Variants in LRGUK observed in about 807,000 individuals in gnomAD.
The protein encoded by LRGUK is leucine rich repeats and guanylate kinase domain containing.
In LRGUK, 65 loss-of-function variants were observed where a neutral mutation model predicts 76.0. The ratio of observed to expected loss-of-function variants is 0.85; its 90% CI spans 0.70 to 1.05. LRGUK has a LOEUF of 1.05. Among genes scored for constraint, LRGUK ranks in the 50% least tolerant of loss-of-function variants. The pLI is 0.00. For missense variants in LRGUK, 758 were observed against 732.8 expected, an observed-to-expected ratio of 1.03 and a Z score of -0.40; for synonymous variants, 268 against 265.6, an observed-to-expected ratio of 1.01 and a Z score of -0.09.
intron 9 of LRGUK, among the ~76,000 whole-genome samples, chr7:134,177,684 A>T (rs750278527): frequency 1.6e-4 from 25 of 152,176 alleles, no homozygotes; most frequent in Non-Finnish European, 2.6e-4. Context: ...CTTACACTGG[A>T]TGCAAATTTG....
chr7:134,129,365 G>T (rs116413966), intron 1 of LRGUK, among the ~76,000 whole-genome samples: 12 of 30,868 alleles, frequency 3.9e-4, no homozygotes, highest in African/African-American at 1.7e-3. Context: ...TCTCCTTCCT[G>T]CCTTCCTTCC....
chr7:134,208,873 C>T (rs920664949), exon 16 of LRGUK: 1 of 398,878 alleles, frequency 2.5e-6, no homozygotes, highest in African/African-American at 2.1e-5. Context: ...CTGCCCAGAA[C>T]CAAGAGCTGG....
At chr7:134,200,907 C>A (rs752893024) in intron 14 of LRGUK, among the ~76,000 whole-genome samples, 21 of 152,092 alleles carry the variant, frequency 1.4e-4, no homozygotes, top group Non-Finnish European at 2.9e-4. Context: ...GGGGATAAGT[C>A]CCCAAAGCTC....
chr7:134,210,089 A>C (rs979347366), exon 16 of LRGUK: 3 of 399,220 alleles, frequency 7.5e-6, no homozygotes, highest in Non-Finnish European at 1.3e-5. Flanking sequence ...TAGGGAAAAA[A>C]AGCTCCCCAA....
intron 3 of LRGUK, among the ~76,000 whole-genome samples, chr7:134,140,878 T>C (rs1022441822): frequency 1.3e-5 from 2 of 152,218 alleles, no homozygotes; most frequent in South Asian, 4.1e-4. Flanking sequence ...GGTTCAACAG[T>C]GATCAGCCCA....
At chr7:134,236,010 C>T (rs576182003) in intron 16 of LRGUK, among the ~76,000 whole-genome samples, 29 of 152,264 alleles carry the variant, frequency 1.9e-4, no homozygotes, top group African/African-American at 6.7e-4. Context: ...AGGTAAGAAG[C>T]ACAGTGACAT....
chr7:134,133,330 ACTCACAATTTGGGT>A (rs1797388774), intron 1 of LRGUK, among the ~76,000 whole-genome samples: 1 of 152,048 alleles, frequency 6.6e-6, no homozygotes, highest in Non-Finnish European at 1.5e-5. Context: ...TGCCAGAGTA[ACTCACAATTTGGGT>A]CTCAATTGAA....
chr7:134,205,691 T>C (rs1800975555), intron 15 of LRGUK, among the ~76,000 whole-genome samples: 1 of 152,198 alleles, frequency 6.6e-6, no homozygotes, highest in Non-Finnish European at 1.5e-5. Flanking sequence ...GAAGCCTTGG[T>C]TTTCTATTCT....
At chr7:134,233,424 C>T (rs1036014581) in intron 16 of LRGUK, among the ~76,000 whole-genome samples, 3 of 152,134 alleles carry the variant, frequency 2.0e-5, no homozygotes, top group Non-Finnish European at 4.4e-5. Flanking sequence ...GCTGAATGAC[C>T]AATTCATTGA....
At chr7:134,139,648 C>A in intron 3 of LRGUK, 131 bp downstream of exon 3, 1 of 586,606 alleles carries the variant, frequency 1.7e-6, no homozygotes, top group Non-Finnish European at 2.8e-6. Context: ...TGATCCTTTG[C>A]TTTCCATGTA....
At chr7:134,249,254 C>T (rs1188988439) in intron 18 of LRGUK, among the ~76,000 whole-genome samples, 178 bp downstream of exon 18, 1 of 152,124 alleles carries the variant, frequency 6.6e-6, no homozygotes, top group Non-Finnish European at 1.5e-5. Context: ...GGCATATAAC[C>T]TAGGTTCACC....
At chr7:134,219,960 A>T (rs1801541813) in intron 15 of LRGUK, among the ~76,000 whole-genome samples, 1 of 151,996 alleles carries the variant, frequency 6.6e-6, no homozygotes, top group Admixed American at 6.6e-5. Context: ...TTTCTTCATC[A>T]CACTTGTCGT....
At chr7:134,139,220 A>G (rs189118005) in intron 2 of LRGUK, among the ~76,000 whole-genome samples, 4 of 152,252 alleles carry the variant, frequency 2.6e-5, no homozygotes, top group Admixed American at 2.6e-4. Flanking sequence ...AACAACACTA[A>G]CGTTATTAAG....
intron 7 of LRGUK, among the ~76,000 whole-genome samples, chr7:134,171,237 G>A (rs534937426): frequency 6.6e-6 from 1 of 150,948 alleles, no homozygotes; most frequent in East Asian, 1.9e-4. Context: ...TGATCTGTCT[G>A]TTGATTCTTA....
At chr7:134,158,333 TGAGA>T (rs376106200) in intron 6 of LRGUK, among the ~76,000 whole-genome samples, 174 bp downstream of exon 6, 163 of 151,638 alleles carry the variant, frequency 1.1e-3, no homozygotes, top group South Asian at 2.9e-3. Context: ...TGTGTGGTTG[TGAGA>T]GAGAGAGAGA....
intron 12 of LRGUK, among the ~76,000 whole-genome samples, chr7:134,192,559 C>A (rs1202402440): frequency 6.6e-6 from 1 of 152,176 alleles, no homozygotes; most frequent in African/African-American, 2.4e-5. Context: ...TTCTTCAAAA[C>A]AACTTATATG....
intron 11 of LRGUK, among the ~76,000 whole-genome samples, chr7:134,185,064 C>T (rs1563168537): frequency 6.6e-6 from 1 of 152,188 alleles, no homozygotes; most frequent in African/African-American, 2.4e-5. Flanking sequence ...GAAGGGGCAG[C>T]AAGTTTTTCT....
At chr7:134,204,812 G>A (rs1441091780) in intron 15 of LRGUK, among the ~76,000 whole-genome samples, 1 of 152,180 alleles carries the variant, frequency 6.6e-6, no homozygotes, top group Non-Finnish European at 1.5e-5. Flanking sequence ...TGTGAAGAAG[G>A]TGCCAAGGAA....
At chr7:134,254,779 C>G (rs1353893842) in intron 18 of LRGUK, among the ~76,000 whole-genome samples, 1 of 152,052 alleles carries the variant, frequency 6.6e-6, no homozygotes, top group Non-Finnish European at 1.5e-5. Flanking sequence ...TGGAAATAAC[C>G]TGAATGTCAA....
Sources: allele counts gnomAD v4.1 joint callset (sites outside exome capture counted in the v4.1 genomes callset), GRCh38; gene constraint gnomAD v4.1.1; transcripts MANE v1.5; gene names NCBI Gene and HGNC (gene_info 2026-07-23, HGNC 2026-07-21).